The following DNAAF9 variants were observed in gnomAD, a reference collection of about 807,000 sequenced individuals.
The protein encoded by DNAAF9 is shulin.
Under a neutral mutation model 167.0 loss-of-function variants are expected in DNAAF9, and 90 were observed. That is an observed-to-expected ratio of 0.54 (90% CI 0.45 to 0.64). The LOEUF (loss-of-function observed/expected upper bound fraction) is 0.64. Ranked by LOEUF, DNAAF9 falls within the 30% of genes least tolerant of loss-of-function variation. The probability of loss-of-function intolerance (pLI) is 0.00; values close to 1 mark genes in which losing one functional copy is unlikely to be tolerated. For missense variants in DNAAF9, 1,315 were observed against 1,442.2 expected (o/e 0.91, Z 1.43); for synonymous variants, 491 against 508.8 (o/e 0.96, Z 0.47).
At chr20:3,252,993 C>T (rs980509060) in intron 36 of DNAAF9, among the ~76,000 whole-genome samples, 10 of 152,200 alleles carry the variant, frequency 6.6e-5, no homozygotes, top group African/African-American at 2.4e-4. Context: ...ACTCTGATGA[C>T]GACAGACTTC....
At chr20:3,380,558 A>G (rs904895921) in intron 3 of DNAAF9, among the ~76,000 whole-genome samples, 3 of 152,198 alleles carry the variant, frequency 2.0e-5, no homozygotes, top group African/African-American at 7.2e-5. Context: ...AGTTTTGACA[A>G]TCAAAAATGT....
In DNAAF9 at chr20:3,250,136, C is replaced by G. The variant is rs1005946386; in HGVS notation, c.*2436G>C. Reference sequence around the variant, plus strand: ...GACTGCCTGTCCCTGGGAACCCACCCCCGCTCTTTGCTGGGTCCCTGGATC... The same window carrying G: ...GACTGCCTGTCCCTGGGAACCCACCGCCGCTCTTTGCTGGGTCCCTGGATC... On this transcript the variant is annotated 3_prime_UTR_variant, in exon 37 of 37. Coordinates refer to ENST00000252032, the MANE Select transcript of DNAAF9 (RefSeq NM_001009984.3). The G allele has an allele frequency of 2.6e-5, 4 of 152,384 alleles. No individual in the cohort carries two copies. The highest frequency in any genetic ancestry group is 2.6e-4 in the Admixed American group (4 of 15,310). The allele number at this position is 152,384 out of a possible 1,614,324, so 9.4% of individuals were successfully genotyped here. A position where few individuals can be genotyped will look rare whatever the true frequency, so the allele number is the denominator to read the frequency against.
intron 1 of DNAAF9, 116 bp downstream of exon 1, chr20:3,407,359 A>C: frequency 1.1e-6 from 1 of 902,166 alleles, no homozygotes; most frequent in Non-Finnish European, 1.5e-6. Context: ...CCGTTCAGCA[A>C]AGAACCGTCC....
chr20:3,315,227 C>G lies in DNAAF9; in HGVS notation c.1591-107G>C, dbSNP rs1254977497. ...GCCCAATTATGTCCGTCTACAAAAG[C>G]TGAGTCAGGCTCAGATATGCCCAAT... On this transcript the variant is annotated intron_variant, in intron 19 of 36. Transcript: ENST00000252032. The surrounding 1 kb of genome is among the most constrained non-coding windows in gnomAD (Gnocchi z 4.1). The G allele has an allele frequency of 6.7e-6, 5 of 742,546 alleles. No homozygotes were observed. Among genetic ancestry groups the G allele is most frequent in the East Asian group, 2.5e-5 (1 of 40,426 alleles). The allele number at this position is 742,546 out of a possible 1,614,324, so 46.0% of individuals were successfully genotyped here.
At chr20:3,334,120 C>A (rs1774392001) in intron 10 of DNAAF9, among the ~76,000 whole-genome samples, 1 of 152,134 alleles carries the variant, frequency 6.6e-6, no homozygotes, top group South Asian at 2.1e-4. Context: ...AAATAAGTAA[C>A]AATATATATC....
chr20:3,346,581 C>T (rs1006170138), intron 8 of DNAAF9, among the ~76,000 whole-genome samples: 1 of 151,868 alleles, frequency 6.6e-6, no homozygotes, highest in African/African-American at 2.4e-5. Flanking sequence ...GTGGAAATGA[C>T]TATATGCTAC....
At chr20:3,260,900 A>G (rs917197999) in intron 31 of DNAAF9, among the ~76,000 whole-genome samples, 5 of 150,696 alleles carry the variant, frequency 3.3e-5, no homozygotes, top group African/African-American at 1.2e-4. Context: ...CCAAAGTGCT[A>G]GGATTACAGG....
chr20:3,322,380 G>A (rs2069631611), intron 15 of DNAAF9, 118 bp from the exon 16 acceptor site: 2 of 839,202 alleles, frequency 2.4e-6, no homozygotes, highest in Non-Finnish European at 4.0e-6. Flanking sequence ...TGCTCTTAGG[G>A]CCTTTCAAAA....
At chr20:3,378,244 T>C (rs2083601381) in intron 3 of DNAAF9, among the ~76,000 whole-genome samples, 1 of 152,140 alleles carries the variant, frequency 6.6e-6, no homozygotes, top group Non-Finnish European at 1.5e-5. Context: ...CCCTCAGACA[T>C]CAGTGTCTAA....
intron 16 of DNAAF9, among the ~76,000 whole-genome samples, chr20:3,320,791 T>G (rs2069601312): frequency 6.6e-6 from 1 of 152,198 alleles, no homozygotes; most frequent in African/African-American, 2.4e-5. Context: ...CAGGTGATGG[T>G]GATGGGGATG....
At chr20:3,374,266 T>C in intron 5 of DNAAF9, 112 bp from the exon 6 acceptor site, 1 of 553,198 alleles carries the variant, frequency 1.8e-6, no homozygotes, top group South Asian at 3.5e-5. Context: ...CACCAGGGCC[T>C]CACCTAGCAA....
chr20:3,395,684 G>A (rs970525172), intron 1 of DNAAF9, among the ~76,000 whole-genome samples: 1 of 152,036 alleles, frequency 6.6e-6, no homozygotes, highest in African/African-American at 2.4e-5. Context: ...GGACAGTACT[G>A]AGCTCCCTAC....
intron 20 of DNAAF9, among the ~76,000 whole-genome samples, chr20:3,309,028 C>A (rs1204938313): frequency 6.6e-6 from 1 of 152,132 alleles, no homozygotes; most frequent in African/African-American, 2.4e-5. Flanking sequence ...GGCTTCAACA[C>A]TGGAATTTTG....
chr20:3,293,039 T>C (rs1042455285), intron 25 of DNAAF9, among the ~76,000 whole-genome samples: 47 of 151,912 alleles, frequency 3.1e-4, no homozygotes, highest in African/African-American at 1.1e-3. Flanking sequence ...TGAGCCAAGA[T>C]TGTGCCATTG....
intron 25 of DNAAF9, among the ~76,000 whole-genome samples, chr20:3,291,761 A>C (rs2068958571): frequency 6.6e-6 from 1 of 152,196 alleles, no homozygotes; most frequent in Non-Finnish European, 1.5e-5. Context: ...AGCACAGAGA[A>C]GACGGCCGTA....
Position 3,298,010 on chromosome 20 carries a change from GAAT to G in DNAAF9, c.1929+16_1929+18del. 6.2e-7 allele frequency: 1 copy of G among 1,600,226 alleles called. No individual in the cohort carries two copies. The highest frequency in any genetic ancestry group is 8.6e-7 in the Non-Finnish European group (1 of 1,168,200). On this transcript the variant is annotated intron_variant, in intron 22 of 36. Transcript: ENST00000252032. ...AAAAAAAAGTAGTAGTAGTTTTGCT[GAAT>G]AATGACTGATATTACCTCTGAGTAA...
At chr20:3,295,722 G>A in intron 23 of DNAAF9, 3 of 610,814 alleles carry the variant, frequency 4.9e-6, no homozygotes, top group Non-Finnish European at 9.6e-6. Flanking sequence ...TTATTATCTG[G>A]CATAACGCGT....
rs71330206 is a variant in DNAAF9, at chr20:3,252,406, G to A, written c.*166C>T. On this transcript the variant is annotated 3_prime_UTR_variant, in exon 37 of 37. Coordinates refer to ENST00000252032, the MANE Select transcript of DNAAF9 (RefSeq NM_001009984.3). ...AATGGTGCAGGTGATGCTCTTCAGC[G>A]CTATACAGGGAATAAAGACAACATG... The A allele has an allele frequency of 5.5e-3, 3,155 of 577,546 alleles. 26 individuals carry two copies. Among genetic ancestry groups the A allele is most frequent in the Non-Finnish European group, 5.4e-3 (1,713 of 319,838 alleles). The allele number at this position is 577,546 out of a possible 1,614,324, so 35.8% of individuals were successfully genotyped here. A position where few individuals can be genotyped will look rare whatever the true frequency, so the allele number is the denominator to read the frequency against.
chr20:3,343,515 A>G (rs1218763245), intron 9 of DNAAF9, among the ~76,000 whole-genome samples, 161 bp downstream of exon 9: 4 of 152,192 alleles, frequency 2.6e-5, no homozygotes, highest in Non-Finnish European at 2.9e-5. Flanking sequence ...AGAAACAGAC[A>G]CATTTACAGA....
Sources: allele counts gnomAD v4.1 joint callset (sites outside exome capture counted in the v4.1 genomes callset), GRCh38; gene constraint gnomAD v4.1.1; non-coding constraint Gnocchi (gnomAD v3.1); transcripts MANE v1.5; gene names NCBI Gene and HGNC (gene_info 2026-07-23, HGNC 2026-07-21).